Variants in ABCA9 observed in about 807,000 individuals in gnomAD.
ABCA9 encodes ATP binding cassette subfamily A member 9, also known as ATP-binding cassette sub-family A member 9.
Under a neutral mutation model 205.3 loss-of-function variants are expected in ABCA9, and 183 were observed. The observed-to-expected ratio is 0.89, with a 90% CI of 0.79 to 1.01. The LOEUF (loss-of-function observed/expected upper bound fraction) is 1.01. ABCA9 is among the 50% of genes least tolerant of loss of function. The probability of loss-of-function intolerance (pLI) is 0.00; values close to 1 mark genes in which losing one functional copy is unlikely to be tolerated. For missense variants in ABCA9, 1,805 were observed against 1,912.4 expected (o/e 0.94, Z 1.05); for synonymous variants, 651 against 683.3 (o/e 0.95, Z 0.74).
chr17:69,001,466 C>T (rs1368828820), intron 25 of ABCA9, among the ~76,000 whole-genome samples: 1 of 147,256 alleles, frequency 6.8e-6, no homozygotes. Context: ...AGGGATGAAG[C>T]CCACTTGATC....
intron 1 of ABCA9, among the ~76,000 whole-genome samples, chr17:69,053,361 C>T (rs557941924): frequency 4.3e-4 from 66 of 152,286 alleles, no homozygotes; most frequent in African/African-American, 1.5e-3. Flanking sequence ...TTATAACTAA[C>T]GCTATTCCCA....
At chr17:69,008,350 C>T (rs1191010912) in intron 23 of ABCA9, 115 bp from the exon 24 acceptor site, 5 of 954,336 alleles carry the variant, frequency 5.2e-6, no homozygotes, top group Admixed American at 2.5e-5. Context: ...AAATATTATC[C>T]TGATTTAGCA....
chr17:69,012,837 TTCTG>T (rs1167390690), intron 22 of ABCA9, among the ~76,000 whole-genome samples: 1 of 152,162 alleles, frequency 6.6e-6, no homozygotes, highest in African/African-American at 2.4e-5. Flanking sequence ...TATTCATTCT[TTCTG>T]TATCTATTTT....
chr17:69,029,155 T>C lies in ABCA9; in HGVS notation c.1504+14A>G. On this transcript the variant is annotated intron_variant, in intron 11 of 38. Transcript: ENST00000340001. ...AATCAAGCAGCCCCATTAAATAAAATATTATTTTATTACCTTTCAAAGCTT... is the reference window on the plus strand; with the variant it reads ...AATCAAGCAGCCCCATTAAATAAAACATTATTTTATTACCTTTCAAAGCTT... 2.7e-6 allele frequency: 4 copies of C among 1,488,006 alleles called. No homozygotes were observed. Among genetic ancestry groups the C allele is most frequent in the Non-Finnish European group, 9.2e-7 (1 of 1,089,908 alleles). 92.2% of individuals were successfully genotyped at this position (1,488,006 alleles called of 1,614,324 possible).
intron 17 of ABCA9, chr17:69,022,187 AT>A (rs2070834372): frequency 6.5e-6 from 1 of 153,126 alleles, no homozygotes; most frequent in Non-Finnish European, 1.5e-5. Context: ...AATTAAAAAA[AT>A]ATTTTCCAGA....
the ABCA9 span, among the ~76,000 whole-genome samples, chr17:69,070,717 G>A: frequency 9.2e-5 from 14 of 152,174 alleles, no homozygotes; most frequent in Admixed American, 2.6e-4. Flanking sequence ...TACCCCAGTG[G>A]CACCTGGAAC....
At chr17:68,981,127 C>G (rs9303006) in intron 37 of ABCA9, among the ~76,000 whole-genome samples, 120,063 of 151,760 alleles carry the variant, frequency 0.79, 48,513 homozygotes, top group African/African-American at 0.95. Flanking sequence ...GAAGGGAAGG[C>G]AACAATAGAG....
intron 16 of ABCA9, 27 bp downstream of exon 16, chr17:69,026,350 A>G: frequency 6.3e-7 from 1 of 1,584,100 alleles, no homozygotes; most frequent in Non-Finnish European, 8.7e-7. Flanking sequence ...GCATCTGTCA[A>G]CACGTCTCCA....
Position 68,975,325 on chromosome 17 carries a change from T to C in ABCA9, c.*590A>G, listed in dbSNP as rs894572636. ...GCTGCAATAAACATACGTGTGCATG[T>C]GTCTTTATAGTAGAATGATACAGAT... On this transcript the variant is annotated 3_prime_UTR_variant, in exon 39 of 39. Transcript: ENST00000340001. The C allele has an allele frequency of 1.3e-5, 2 of 152,660 alleles. No homozygotes were observed. Among genetic ancestry groups the C allele is most frequent in the African/African-American group, 4.8e-5 (2 of 41,454 alleles). 9.5% of individuals were successfully genotyped at this position (152,660 alleles called of 1,614,324 possible). A position where few individuals can be genotyped will look rare whatever the true frequency, so the allele number is the denominator to read the frequency against.
At chr17:69,005,540 T>C (rs2070096373) in intron 25 of ABCA9, among the ~76,000 whole-genome samples, 1 of 152,200 alleles carries the variant, frequency 6.6e-6, no homozygotes, top group African/African-American at 2.4e-5. Flanking sequence ...TTTTATCAAC[T>C]AAGTTTTCCT....
chr17:69,013,874 C>A (rs979140425), intron 22 of ABCA9, among the ~76,000 whole-genome samples: 1 of 152,080 alleles, frequency 6.6e-6, no homozygotes, highest in African/African-American at 2.4e-5. Flanking sequence ...AAAATTGTAA[C>A]AGAGAATGCC....
At chr17:69,075,497 C>T in the ABCA9 span, among the ~76,000 whole-genome samples, 5,196 of 152,120 alleles carry the variant, frequency 0.034, 99 homozygotes, top group Non-Finnish European at 0.055. Context: ...TTATTAAATA[C>T]GGAGTCCTTT....
chr17:68,995,859 A>G, intron 26 of ABCA9, 36 bp downstream of exon 26: 1 of 1,609,996 alleles, frequency 6.2e-7, no homozygotes, highest in Non-Finnish European at 8.5e-7. Context: ...ATGACCACAC[A>G]TTTCATGACC....
chr17:69,013,985 G>A (rs564548250), intron 22 of ABCA9, among the ~76,000 whole-genome samples: 1 of 152,246 alleles, frequency 6.6e-6, no homozygotes, highest in Non-Finnish European at 1.5e-5. Flanking sequence ...ATATTCTGTA[G>A]TGAAGACATC....
the ABCA9 span, among the ~76,000 whole-genome samples, chr17:69,071,312 A>C: frequency 2.4e-4 from 36 of 152,328 alleles, no homozygotes; most frequent in African/African-American, 8.2e-4. Context: ...AACTCCCAGC[A>C]GGGGTTGACA....
At chr17:68,976,684 C>G (rs1394290830) in intron 37 of ABCA9, among the ~76,000 whole-genome samples, 1 of 152,202 alleles carries the variant, frequency 6.6e-6, no homozygotes, top group African/African-American at 2.4e-5. Context: ...CTACATGACT[C>G]TACCCTCAAG....
chr17:69,048,514 C>T (rs2071794434), intron 3 of ABCA9, among the ~76,000 whole-genome samples: 1 of 152,168 alleles, frequency 6.6e-6, no homozygotes, highest in Admixed American at 6.5e-5. Flanking sequence ...CAAGGTTCTT[C>T]ACCTTGTAAA....
At chr17:69,045,370 G>A (rs1034850252) in intron 3 of ABCA9, 34 bp from the exon 4 acceptor site, 1 of 1,581,480 alleles carries the variant, frequency 6.3e-7, no homozygotes. Flanking sequence ...AAATAGTTAA[G>A]CAAGAAAATC....
In ABCA9 at chr17:69,007,744, T is replaced by C; in HGVS notation, c.3435+15A>G. On this transcript the variant is annotated intron_variant, in intron 25 of 38. Transcript: ENST00000340001. ...TGAAAAATGGTAAAATAATAGGTAG[T>C]ATATGCATACTCACAATTAAGAAGA... 7.1e-7 allele frequency: 1 copy of C among 1,406,654 alleles called. No homozygotes were observed. The highest frequency in any genetic ancestry group is 1.0e-6 in the Non-Finnish European group (1 of 993,008). The allele number at this position is 1,406,654 out of a possible 1,614,324, so 87.1% of individuals were successfully genotyped here.
Sources: allele counts gnomAD v4.1 joint callset (sites outside exome capture counted in the v4.1 genomes callset), GRCh38; gene constraint gnomAD v4.1.1; transcripts MANE v1.5; gene names NCBI Gene and HGNC (gene_info 2026-07-23, HGNC 2026-07-21).